NACC2: variants seen among roughly 807,000 people sequenced by gnomAD.
NACC2 encodes the protein nucleus accumbens-associated protein 2.
A neutral mutation model predicts 25.1 loss-of-function variants in NACC2; 8 were observed. The ratio of observed to expected loss-of-function variants is 0.32; its 90% CI spans 0.19 to 0.57. The LOEUF (loss-of-function observed/expected upper bound fraction) is 0.57. Ranked by LOEUF, NACC2 falls within the 20% of genes least tolerant of loss-of-function variation. The probability of loss-of-function intolerance (pLI) is 0.89; values close to 1 mark genes in which losing one functional copy is unlikely to be tolerated. For synonymous variants in NACC2, 435 were observed against 294.7 expected (o/e 1.48, Z -4.88); for missense variants, 644 against 650.2 (o/e 0.99, Z 0.10).
At chr9:136,083,482 T>C (rs1041423384) in intron 1 of NACC2, among the ~76,000 whole-genome samples, 13 of 152,266 alleles carry the variant, frequency 8.5e-5, no homozygotes, top group Non-Finnish European at 1.8e-4. Flanking sequence ...TGACTGTATT[T>C]GGAACTAGGG....
chr9:136,013,755 G>A lies in NACC2; in HGVS notation c.1157+109C>T, dbSNP rs1042789014. ...CGGCCACGGCTGAAGTCAGGAATGC[G>A]AGAGGGCTTTCAATGCCACAACCCT... On this transcript the variant is annotated intron_variant, in intron 4 of 5. Transcript: ENST00000277554. The surrounding 1 kb of genome is among the most constrained non-coding windows in gnomAD (Gnocchi z 6.6). The A allele has an allele frequency of 5.3e-5, 52 of 975,726 alleles. 1 individual carries two copies. In the South Asian group the frequency reaches 5.6e-4, roughly 10 times the overall value. 60.4% of individuals were successfully genotyped at this position (975,726 alleles called of 1,614,324 possible).
rs958685690 is a variant in NACC2 at position 136,047,654 on chromosome 9, G to A, written c.886+1982C>T. On this transcript the variant is annotated intron_variant, in intron 2 of 5. Coordinates refer to ENST00000277554, the MANE Select transcript of NACC2 (RefSeq NM_144653.5). ...ACTGTACCTCGTGTGGTCTGAGTAC[G>A]GGGGAGTTGGAGGGAAGGACTCACC... Among the ~76,000 whole-genome samples the A allele has an allele frequency of 1.2e-4, 19 of 152,302 alleles. 1 individual carries two copies. The highest frequency in any genetic ancestry group is 2.9e-4 in the African/African-American group (12 of 41,554).
rs1462992654 is a variant in NACC2, at chr9:136,011,340, A to G, written c.*176T>C. ...TGCCAGTGGCCTAATTGTTTACAGT[A>G]TAATGAATGCATTTGTTTCCTTCAT... On this transcript the variant is annotated 3_prime_UTR_variant, in exon 6 of 6. Coordinates refer to ENST00000277554, the MANE Select transcript of NACC2 (RefSeq NM_144653.5). 4.3e-6 allele frequency: 3 copies of G among 700,140 alleles called. No individual in the cohort carries two copies. The highest frequency in any genetic ancestry group is 3.7e-5 in the African/African-American group (2 of 54,002). 43.4% of individuals were successfully genotyped at this position (700,140 alleles called of 1,614,324 possible).
chr9:136,039,550 A>G (rs1460518968), intron 2 of NACC2, among the ~76,000 whole-genome samples: 3 of 152,366 alleles, frequency 2.0e-5, no homozygotes, highest in East Asian at 3.8e-4. Flanking sequence ...AATAACCTTC[A>G]TGAACATAAA....
chr9:136,083,093 G>A (rs1259122509), intron 1 of NACC2, among the ~76,000 whole-genome samples: 2 of 152,322 alleles, frequency 1.3e-5, no homozygotes, highest in African/African-American at 2.4e-5. Flanking sequence ...TTCTGGCACC[G>A]CAACAGAAAC....
At position 136,020,883 on chromosome 9, in the gene NACC2, T is replaced by C. The variant is rs796588393; in HGVS notation, c.887-4454A>G. Among the ~76,000 whole-genome samples the C allele has an allele frequency of 1.4e-4, 22 of 152,234 alleles. No individual in the cohort carries two copies. Among genetic ancestry groups the C allele is most frequent in the African/African-American group, 5.3e-4 (22 of 41,536 alleles). On this transcript the variant is annotated intron_variant, in intron 2 of 5. Coordinates refer to ENST00000277554, the MANE Select transcript of NACC2 (RefSeq NM_144653.5). The surrounding 1 kb of genome is among the most constrained non-coding windows in gnomAD (Gnocchi z 4.7). ...CCTTCACAAATGGGGCTTGAGCAAC[T>C]GGCCATCCGCACCCACACGTGGCAC...
At position 136,078,068 on chromosome 9, in the gene NACC2, G is replaced by A. The variant is rs150517710; in HGVS notation, c.-60+17121C>T. On this transcript the variant is annotated intron_variant, in intron 1 of 5. Transcript: ENST00000277554. Reference sequence around the variant, plus strand: ...ATTATAGGCATGAGCCACCGCGTCCGGCCCAATCATACTTTTATAATCACG... The same window carrying A: ...ATTATAGGCATGAGCCACCGCGTCCAGCCCAATCATACTTTTATAATCACG... Among the ~76,000 whole-genome samples, 1,233 of 152,228 alleles carry A rather than the reference G, an allele frequency of 8.1e-3. 21 individuals are homozygous for A. The highest frequency in any genetic ancestry group is 0.029 in the African/African-American group (1,185 of 41,534).
chr9:136,091,669 C>T (rs1054363757), intron 1 of NACC2, among the ~76,000 whole-genome samples: 5 of 152,166 alleles, frequency 3.3e-5, no homozygotes, highest in South Asian at 2.1e-4. Context: ...AAACCCAAAC[C>T]GTAAACAGCA....
intron 1 of NACC2, among the ~76,000 whole-genome samples, chr9:136,080,235 C>T (rs569905114): frequency 1.3e-5 from 2 of 152,340 alleles, no homozygotes; most frequent in South Asian, 4.1e-4. Flanking sequence ...CCAGCCTGTA[C>T]AGCCTCATCC....
At chr9:136,059,637 G>A (rs777455202) in intron 1 of NACC2, among the ~76,000 whole-genome samples, 3 of 152,200 alleles carry the variant, frequency 2.0e-5, no homozygotes, top group Admixed American at 6.5e-5. Context: ...TGAGCAGGCC[G>A]CAGGGCCGGG....
intron 1 of NACC2, among the ~76,000 whole-genome samples, chr9:136,077,485 AAAC>A (rs1284197455): frequency 6.6e-6 from 1 of 152,240 alleles, no homozygotes; most frequent in East Asian, 1.9e-4. Flanking sequence ...CTAAGAGAAA[AAAC>A]AAGCCGAGAA....
At chr9:136,059,431 C>T (rs1323783144) in intron 1 of NACC2, among the ~76,000 whole-genome samples, 7 of 152,312 alleles carry the variant, frequency 4.6e-5, no homozygotes, top group Middle Eastern at 3.4e-3. Context: ...CCAGACCTGG[C>T]GCTCCTGAGA....
chr9:136,050,140 A>T lies in NACC2; in HGVS notation c.382T>A (p.Cys128Ser). 1.3e-6 allele frequency: 1 copy of T among 766,048 alleles called. No homozygotes were observed. The highest frequency in any genetic ancestry group is 2.4e-6 in the Non-Finnish European group (1 of 413,874). The allele number at this position is 766,048 out of a possible 1,614,324, so 47.5% of individuals were successfully genotyped here. A position where few individuals can be genotyped will look rare whatever the true frequency, so the allele number is the denominator to read the frequency against. The change falls in exon 2 of 6, where the codon TGC becomes AGC. Residue 128 changes from cysteine to serine, a missense_variant. Cys to Ser is a moderately radical substitution (Grantham distance 112, BLOSUM62 -1). Transcript: ENST00000277554. ...TCGATCACAGCGGTCTGCGAGTCGC[A>T]GTGGGGCGAGCTCACCTTGAACATG... ...DLMFKVSSPH[C>S]DSQTAVIEDA...
chr9:136,056,252 C>T lies in NACC2; in HGVS notation c.-59-5672G>A, dbSNP rs118189089. On this transcript the variant is annotated intron_variant, in intron 1 of 5. Transcript: ENST00000277554. ...TGCCAGAAAGCAGAGCTGGGCTGCC[C>T]GGAGGCCTGGCTGCTAATGGAACCA... is the stretch of plus-strand genomic sequence containing the variant. Among the ~76,000 whole-genome samples, 537 of 152,308 alleles carry T rather than the reference C, an allele frequency of 3.5e-3. 15 individuals are homozygous for T. In the East Asian group the frequency reaches 0.072, roughly 21 times the overall value.
rs1380877948 is a variant in NACC2 at position 136,020,077 on chromosome 9, T to C, written c.887-3648A>G. Among the ~76,000 whole-genome samples the C allele has an allele frequency of 2.0e-5, 3 of 152,120 alleles. No individual in the cohort carries two copies. Among genetic ancestry groups the C allele is most frequent in the African/African-American group, 7.2e-5 (3 of 41,402 alleles). On this transcript the variant is annotated intron_variant, in intron 2 of 5. Transcript: ENST00000277554. The surrounding 1 kb of genome is among the most constrained non-coding windows in gnomAD (Gnocchi z 4.7). ...TGGGAAGTTCTGGAGCCGATGGCAG[T>C]GATGCTCACAAAACAGTGGGAATGC... is the stretch of plus-strand genomic sequence containing the variant.
chr9:136,058,915 C>G (rs1474932621), intron 1 of NACC2, among the ~76,000 whole-genome samples: 1 of 152,182 alleles, frequency 6.6e-6, no homozygotes, highest in African/African-American at 2.4e-5. Context: ...GCCACCCCAC[C>G]CCAGTGGATA....
At chr9:136,092,314 G>A (rs1830441593) in intron 1 of NACC2, among the ~76,000 whole-genome samples, 1 of 151,692 alleles carries the variant, frequency 6.6e-6, no homozygotes, top group East Asian at 2.0e-4. Flanking sequence ...TGGGGTGAGA[G>A]GCCCCAGTGA....
At chr9:136,034,872 T>C (rs1159357323) in intron 2 of NACC2, among the ~76,000 whole-genome samples, 1 of 152,120 alleles carries the variant, frequency 6.6e-6, no homozygotes, top group Non-Finnish European at 1.5e-5. Flanking sequence ...GGCGGGCCGA[T>C]CACCTGAGGT....
At chr9:136,027,833 T>G in intron 2 of NACC2, among the ~76,000 whole-genome samples, 1 of 152,008 alleles carries the variant, frequency 6.6e-6, no homozygotes. Context: ...ACAAAGAAAG[T>G]AGAGATAAAC....
Sources: gnomAD v4.1 joint callset for allele counts (sites outside exome capture counted in the v4.1 genomes callset) on GRCh38, gnomAD v4.1.1 for gene constraint, Gnocchi (gnomAD v3.1) non-coding constraint, MANE v1.5 for transcripts, NCBI Gene and HGNC (gene_info 2026-07-23, HGNC 2026-07-21) for gene names.